The following SNX29 variants were observed in gnomAD, a reference collection of about 807,000 sequenced individuals.
SNX29 encodes sorting nexin 29.
In SNX29, 78 loss-of-function variants were observed where a neutral mutation model predicts 102.1. The ratio of observed to expected loss-of-function variants is 0.76; its 90% CI spans 0.64 to 0.92. The LOEUF is 0.92. Ranked by LOEUF, SNX29 falls within the 40% of genes least tolerant of loss-of-function variation. The pLI, the probability that SNX29 is intolerant of heterozygous loss-of-function variation, is 0.00. For synonymous variants in SNX29, 580 were observed against 414.5 expected (o/e 1.40, Z -4.85); for missense variants, 1,280 against 1,061.7 (o/e 1.21, Z -2.86).
intron 11 of SNX29, among the ~76,000 whole-genome samples, chr16:12,092,346 G>A (rs1009174285): frequency 6.6e-6 from 1 of 152,186 alleles, no homozygotes; most frequent in Non-Finnish European, 1.5e-5. Context: ...TAACAAGCAT[G>A]GAGAGTTAAA....
At chr16:12,427,308 A>G (rs980604325) in intron 18 of SNX29, among the ~76,000 whole-genome samples, 7 of 152,058 alleles carry the variant, frequency 4.6e-5, no homozygotes, top group East Asian at 1.9e-4. Context: ...CTTGATTTCA[A>G]TGTTAAAACC....
intron 16 of SNX29, among the ~76,000 whole-genome samples, chr16:12,365,121 C>A (rs1488216950): frequency 6.6e-6 from 1 of 152,100 alleles, no homozygotes; most frequent in African/African-American, 2.4e-5. Flanking sequence ...CTCTTTTGTT[C>A]CATACCACCA....
chr16:12,279,417 A>T (rs997541021), intron 15 of SNX29, among the ~76,000 whole-genome samples: 7 of 152,336 alleles, frequency 4.6e-5, no homozygotes, highest in Middle Eastern at 3.4e-3. Context: ...AGGCAAGCTG[A>T]GGCCTTAACA....
chr16:12,057,658 A>T (rs757708376), intron 8 of SNX29, among the ~76,000 whole-genome samples: 2 of 152,170 alleles, frequency 1.3e-5, no homozygotes, highest in Non-Finnish European at 2.9e-5. Flanking sequence ...ATGTGCAGCC[A>T]CAGGGGGACG....
intron 15 of SNX29, among the ~76,000 whole-genome samples, chr16:12,346,411 G>T (rs2081807000): frequency 6.6e-6 from 1 of 152,138 alleles, no homozygotes; most frequent in South Asian, 2.1e-4. Context: ...TTTGACATTT[G>T]CATCGTTGTT....
chr16:12,064,382 C>G (rs556603075), intron 9 of SNX29, among the ~76,000 whole-genome samples: 4 of 152,314 alleles, frequency 2.6e-5, no homozygotes, highest in South Asian at 4.1e-4. Flanking sequence ...CTCTAGAGTC[C>G]TTGCAGATTT....
At chr16:12,400,883 C>G (rs2083912970) in intron 17 of SNX29, among the ~76,000 whole-genome samples, 1 of 152,012 alleles carries the variant, frequency 6.6e-6, no homozygotes, top group Non-Finnish European at 1.5e-5. Flanking sequence ...AGTGCAGTGG[C>G]ACTATCTCTG....
chr16:12,561,000 T>TG (rs1035240560), intron 20 of SNX29: 1 of 216,504 alleles, frequency 4.6e-6, no homozygotes, highest in African/African-American at 2.3e-5. Flanking sequence ...GAGCCATTTC[T>TG]GGATCAGTTG....
intron 1 of SNX29, 27 bp from the exon 2 acceptor site, chr16:11,999,270 A>G (rs758808577): frequency 6.2e-7 from 1 of 1,612,894 alleles, no homozygotes; most frequent in Non-Finnish European, 8.5e-7. Context: ...CGTCAGAGAG[A>G]ACTAATTAAG....
chr16:12,269,292 T>A (rs1317342404), intron 14 of SNX29, among the ~76,000 whole-genome samples: 1 of 152,194 alleles, frequency 6.6e-6, no homozygotes, highest in African/African-American at 2.4e-5. Flanking sequence ...ACTAGGTTGA[T>A]TGGCTCAATG....
rs1450139559 is a variant in SNX29 at position 12,218,982 on chromosome 16, G to A, written c.1678+19299G>A. Among the ~76,000 whole-genome samples the A allele has an allele frequency of 2.0e-5, 3 of 152,064 alleles. No homozygotes were observed. In the East Asian group the frequency reaches 5.8e-4, roughly 29 times the overall value. ...GTAGAGACGGGGTTTCACTGTGTTA[G>A]CCAGGTTGGTCTCGATCTCCTGACC... is the stretch of plus-strand genomic sequence containing the variant. On this transcript the variant is annotated intron_variant, in intron 14 of 20. Transcript: ENST00000566228.
intron 14 of SNX29, among the ~76,000 whole-genome samples, chr16:12,234,234 C>T (rs1441107309): frequency 6.6e-6 from 1 of 152,118 alleles, no homozygotes; most frequent in Non-Finnish European, 1.5e-5. Context: ...TTATTGTAGC[C>T]ATCGAGTGGA....
chr16:12,264,767 C>A lies in SNX29; in HGVS notation c.1679-13166C>A, dbSNP rs1302791707. Among the ~76,000 whole-genome samples the A allele has an allele frequency of 5.5e-3, 626 of 113,724 alleles. 2 individuals are homozygous for A. Among genetic ancestry groups the A allele is most frequent in the African/African-American group, 0.015 (480 of 31,004 alleles). 74.6% of individuals were successfully genotyped at this position (113,724 alleles called of 152,430 possible). A position where few individuals can be genotyped will look rare whatever the true frequency, so the allele number is the denominator to read the frequency against. ...ACTGCACTCCAACGAGACTCTGTTT[C>A]AAAAAAAAAAAAAAGCTTCACAGGT... On this transcript the variant is annotated intron_variant, in intron 14 of 20. Transcript: ENST00000566228.
At chr16:12,394,614 G>A (rs770314631) in intron 16 of SNX29, among the ~76,000 whole-genome samples, 114 of 152,264 alleles carry the variant, frequency 7.5e-4, no homozygotes, top group Middle Eastern at 3.4e-3. Flanking sequence ...ATCCAAGATG[G>A]TGCTCTCATT....
intron 18 of SNX29, among the ~76,000 whole-genome samples, chr16:12,434,977 T>TGGGGGGGGGGG (rs148724372): frequency 3.8e-5 from 2 of 52,672 alleles, no homozygotes; most frequent in Non-Finnish European, 9.4e-5. Context: ...TGGGGGGCGG[T>TGGGGGGGGGGG]GGGGGGGGTT....
chr16:12,080,716 A>T (rs2051827988), intron 11 of SNX29, among the ~76,000 whole-genome samples: 3 of 143,596 alleles, frequency 2.1e-5, no homozygotes, highest in Admixed American at 7.1e-5. Flanking sequence ...TTTGAGACAG[A>T]GTCTTGCTCT....
intron 14 of SNX29, among the ~76,000 whole-genome samples, chr16:12,200,691 G>T (rs755573302): frequency 3.8e-4 from 58 of 152,110 alleles, no homozygotes; most frequent in Non-Finnish European, 5.9e-4. Flanking sequence ...CACCATGTTG[G>T]CCAGTCTTGT....
chr16:12,019,784 G>T (rs2056965826), intron 3 of SNX29, among the ~76,000 whole-genome samples: 1 of 151,830 alleles, frequency 6.6e-6, no homozygotes, highest in African/African-American at 2.4e-5. Context: ...TTACAGGCAC[G>T]TACCACCACA....
chr16:12,554,194 A>T (rs533095618), intron 20 of SNX29, among the ~76,000 whole-genome samples: 2 of 152,218 alleles, frequency 1.3e-5, no homozygotes, highest in Non-Finnish European at 2.9e-5. Flanking sequence ...GGCTTAAACC[A>T]TTTGAACGAT....
Sources: gnomAD v4.1 joint callset for allele counts (sites outside exome capture counted in the v4.1 genomes callset) on GRCh38, gnomAD v4.1.1 for gene constraint, MANE v1.5 for transcripts, NCBI Gene and HGNC (gene_info 2026-07-23, HGNC 2026-07-21) for gene names.